Variants in MAPT observed in about 807,000 individuals in gnomAD.
MAPT encodes microtubule-associated protein tau.
A neutral mutation model predicts 67.9 loss-of-function variants in MAPT; 34 were observed. The ratio of observed to expected loss-of-function variants is 0.50; its 90% CI spans 0.38 to 0.67. The LOEUF (loss-of-function observed/expected upper bound fraction) is 0.67. MAPT is among the 30% of genes least tolerant of loss of function. The probability of loss-of-function intolerance (pLI) is 0.00; values close to 1 mark genes in which losing one functional copy is unlikely to be tolerated. For missense variants in MAPT, 881 were observed against 1,115.2 expected (o/e 0.79, Z 2.99); for synonymous variants, 456 against 464.5 (o/e 0.98, Z 0.23).
Position 45,995,878 on chromosome 17 carries a change from G to A in MAPT, c.1733-521G>A, listed in dbSNP as rs755224256. ...ACCCTGTGGGGAAAGGGTCAGAAGCGTCCAGGCTTGAGGGCACAGCTGGGT... is the reference window on the plus strand; with the variant it reads ...ACCCTGTGGGGAAAGGGTCAGAAGCATCCAGGCTTGAGGGCACAGCTGGGT... On this transcript the variant is annotated intron_variant, in intron 8 of 12. Transcript: ENST00000262410. The surrounding 1 kb of genome is among the most constrained non-coding windows in gnomAD (Gnocchi z 4.3). 7.9e-5 allele frequency among the ~76,000 whole-genome samples: 12 copies of A among 152,328 alleles called. No individual in the cohort carries two copies. Among genetic ancestry groups the A allele is most frequent in the Admixed American group, 3.9e-4 (6 of 15,310 alleles).
At chr17:46,007,400 T>C (rs2075523403) in intron 9 of MAPT, among the ~76,000 whole-genome samples, 2 of 151,996 alleles carry the variant, frequency 1.3e-5, no homozygotes, top group African/African-American at 4.8e-5. Flanking sequence ...GGCAGGAGGA[T>C]TGCTTGAGCC....
intron 8 of MAPT, among the ~76,000 whole-genome samples, chr17:45,993,470 G>A (rs2074235425): frequency 6.6e-6 from 1 of 152,148 alleles, no homozygotes; most frequent in African/African-American, 2.4e-5. Flanking sequence ...CTGAAGTGCA[G>A]TGGCACAATC....
At chr17:45,974,242 C>A in intron 3 of MAPT, 1 of 692,728 alleles carries the variant, frequency 1.4e-6, no homozygotes, top group Non-Finnish European at 2.6e-6. Context: ...GGGCTCCGGG[C>A]CCTACTTCAG....
chr17:45,982,036 A>C (rs2073014026), intron 4 of MAPT, among the ~76,000 whole-genome samples: 1 of 150,456 alleles, frequency 6.6e-6, no homozygotes, highest in South Asian at 2.1e-4. Flanking sequence ...AAAAAAAAGA[A>C]AGAAAGAAAG....
chr17:46,018,221 G>A (rs759070467), intron 11 of MAPT, among the ~76,000 whole-genome samples: 8 of 151,860 alleles, frequency 5.3e-5, no homozygotes, highest in Admixed American at 1.3e-4. Context: ...TTCCTGGGCT[G>A]AGCTGTCATT....
chr17:45,983,310 A>T lies in MAPT; in HGVS notation c.731A>T (p.Gln244Leu). Residue 244 changes from glutamine to leucine, a missense_variant, in exon 5 of 13, where the codon CAA (glutamine) becomes CTA (leucine). By Grantham distance (113) the Gln-to-Leu change is moderately radical (BLOSUM62 -2). Around this residue, in one of 6 missense-constraint regions of MAPT, gnomAD observed 687 missense variants for 766.1 expected, o/e 0.90. Coordinates refer to ENST00000262410, the MANE Select transcript of MAPT (RefSeq NM_001377265.1). ...GAGGGCCCCAGAGAGGCCACACGCC[A>T]ACCTTCGGGGACAGGACCTGAGGAC... The part of the protein sequence containing the change: ...LPEGPREATR[Q>L]PSGTGPEDTE... The T allele has an allele frequency of 6.2e-7, 1 of 1,600,826 alleles. No individual in the cohort carries two copies. Among genetic ancestry groups the T allele is most frequent in the South Asian group, 1.1e-5 (1 of 89,180 alleles).
At chr17:45,952,971 T>C (rs2069236306) in intron 1 of MAPT, among the ~76,000 whole-genome samples, 3 of 151,610 alleles carry the variant, frequency 2.0e-5, no homozygotes. Context: ...CTGGGGCAGG[T>C]AACTTCCCAG....
At chr17:46,023,292 A>G (rs1214525310) in intron 12 of MAPT, among the ~76,000 whole-genome samples, 1 of 152,252 alleles carries the variant, frequency 6.6e-6, no homozygotes, top group African/African-American at 2.4e-5. Context: ...CATTGCCTGT[A>G]ATCACTAAAG....
Position 45,983,364 on chromosome 17 carries a change from T to C in MAPT, c.785T>C (p.Leu262Pro). The C allele has an allele frequency of 6.2e-7, 1 of 1,608,934 alleles. No homozygotes were observed. The highest frequency in any genetic ancestry group is 8.5e-7 in the Non-Finnish European group (1 of 1,178,064). ...GAGGGCGGCCGCCACGCCCCTGAGC[T>C]GCTCAAGCACCAGCTTCTAGGAGAC... ...DTEGGRHAPE[L>P]LKHQLLGDLH... Residue 262 changes from leucine (L) to proline (P), a missense_variant, in exon 5 of 13, where the codon CTG becomes CCG. Physicochemically the swap from Leu to Pro is moderately conservative, Grantham distance 98. This residue lies in a region of MAPT where 687 missense variants were observed against 766.1 expected (regional missense o/e 0.90). Coordinates refer to ENST00000262410, the MANE Select transcript of MAPT (RefSeq NM_001377265.1).
At chr17:45,909,048 G>GC (rs948882852) in intron 1 of MAPT, among the ~76,000 whole-genome samples, 2 of 152,190 alleles carry the variant, frequency 1.3e-5, no homozygotes, top group African/African-American at 4.8e-5. Context: ...GCCTGCATAG[G>GC]CCCCCATGGA....
chr17:45,953,647 C>T (rs1183956644), intron 1 of MAPT, among the ~76,000 whole-genome samples: 1 of 152,156 alleles, frequency 6.6e-6, no homozygotes, highest in Non-Finnish European at 1.5e-5. Context: ...AGGTCATCAG[C>T]CTTCTATTGG....
In MAPT at chr17:45,971,916, C is replaced by G. The variant is rs1002674939; in HGVS notation, c.191C>G (p.Ser64Cys). Reference sequence around the variant, plus strand: ...TCTGAGGAACCGGGCTCTGAAACCTCTGATGCTAAGAGCACTCCAACAGCG... The same window carrying G: ...TCTGAGGAACCGGGCTCTGAAACCTGTGATGCTAAGAGCACTCCAACAGCG... Reference protein sequence around the residue: ...DGSEEPGSETSDAKSTPTAEA... With the variant: ...DGSEEPGSETCDAKSTPTAEA... The change falls in exon 3 of 13, where the codon TCT (serine) becomes TGT (cysteine). Residue 64 changes from serine to cysteine, a missense_variant. By Grantham distance (112) the Ser-to-Cys change is moderately radical (BLOSUM62 -1). Transcript: ENST00000262410. This position sits in a 1 kb window ranked among gnomAD's most constrained non-coding sequence, Gnocchi z 4.3. 1 of 1,614,150 alleles carries G rather than the reference C, an allele frequency of 6.2e-7. No homozygotes were observed. The highest frequency in any genetic ancestry group is 1.1e-5 in the South Asian group (1 of 91,082).
At chr17:45,957,419 A>G (rs35737653) in intron 1 of MAPT, among the ~76,000 whole-genome samples, 7,453 of 152,212 alleles carry the variant, frequency 0.049, 599 homozygotes, top group African/African-American at 0.17. Context: ...TCATGGAGAG[A>G]GGTTTCCCAC....
At chr17:45,941,741 T>TCCTTCCTGCCTG (rs2068011969) in intron 1 of MAPT, among the ~76,000 whole-genome samples, 8 of 129,532 alleles carry the variant, frequency 6.2e-5, no homozygotes, top group South Asian at 2.5e-4. Context: ...CTTCCTTCCT[T>TCCTTCCTGCCTG]CCTTCCTTCC....
intron 2 of MAPT, among the ~76,000 whole-genome samples, chr17:45,963,389 G>A (rs775376275): frequency 3.9e-5 from 6 of 152,124 alleles, no homozygotes; most frequent in Non-Finnish European, 2.9e-5. Context: ...CTGCTGGAGT[G>A]CCAGGTTGGT....
Position 46,010,513 on chromosome 17 carries a change from T to C in MAPT, c.2091+111T>C. On this transcript the variant is annotated intron_variant, in intron 10 of 12. Transcript: ENST00000262410. The surrounding 1 kb of genome is among the most constrained non-coding windows in gnomAD (Gnocchi z 4.7). ...CATAGAATAAATCCTTCTTGGGCTC[T>C]CAGGATCTGGCTGCGACCTCTGGGT... 1 of 834,928 alleles carries C rather than the reference T, an allele frequency of 1.2e-6. No individual in the cohort carries two copies. The allele number at this position is 834,928 out of a possible 1,614,324, so 51.7% of individuals were successfully genotyped here.
intron 1 of MAPT, among the ~76,000 whole-genome samples, chr17:45,960,737 T>C (rs1441251484): frequency 6.6e-6 from 1 of 151,870 alleles, no homozygotes; most frequent in Non-Finnish European, 1.5e-5. Flanking sequence ...AGGATCACTT[T>C]AGCCCAGGAG....
intron 1 of MAPT, among the ~76,000 whole-genome samples, chr17:45,959,252 A>G (rs2070110094): frequency 6.6e-6 from 1 of 152,172 alleles, no homozygotes; most frequent in Non-Finnish European, 1.5e-5. Flanking sequence ...AGAGTGGTAC[A>G]CTTGTTACAA....
intron 1 of MAPT, among the ~76,000 whole-genome samples, chr17:45,940,313 A>G (rs537468061): frequency 2.6e-5 from 4 of 152,218 alleles, no homozygotes; most frequent in East Asian, 3.9e-4. Flanking sequence ...AACCTGCCCA[A>G]TCTTGTCTGA....
Sources: gnomAD v4.1 joint callset for allele counts (sites outside exome capture counted in the v4.1 genomes callset) on GRCh38, gnomAD v4.1.1 for gene constraint, gnomAD v4.1.1 regional missense constraint, Gnocchi (gnomAD v3.1) non-coding constraint, MANE v1.5 for transcripts, NCBI Gene and HGNC (gene_info 2026-07-23, HGNC 2026-07-21) for gene names.